Variants in GALNT14 observed in about 807,000 individuals in gnomAD.
GALNT14 encodes the protein polypeptide N-acetylgalactosaminyltransferase 14.
A neutral mutation model predicts 77.5 loss-of-function variants in GALNT14; 60 were observed. The ratio of observed to expected loss-of-function variants is 0.77; its 90% CI spans 0.63 to 0.96. The LOEUF is 0.96. Among genes scored for constraint, GALNT14 ranks in the 40% least tolerant of loss-of-function variants. The pLI is 0.00. For missense variants in GALNT14, 710 were observed against 731.0 expected, an observed-to-expected ratio of 0.97 and a Z score of 0.33; for synonymous variants, 280 against 281.7, an observed-to-expected ratio of 0.99 and a Z score of 0.06.
At chr2:31,021,027 T>G (rs766005582) in intron 1 of GALNT14, among the ~76,000 whole-genome samples, 1 of 152,166 alleles carries the variant, frequency 6.6e-6, no homozygotes, top group Non-Finnish European at 1.5e-5. Flanking sequence ...CAGAAAAGTA[T>G]GGGATCTTAA....
chr2:30,907,327 A>G (rs1234158866), downstream of GALNT14, among the ~76,000 whole-genome samples: 1 of 152,192 alleles, frequency 6.6e-6, no homozygotes, highest in East Asian at 1.9e-4. Flanking sequence ...ACTAATAAAG[A>G]AAAAAAGAGA....
chr2:30,953,169 A>G (rs1667140801), intron 6 of GALNT14, among the ~76,000 whole-genome samples: 2 of 152,164 alleles, frequency 1.3e-5, no homozygotes, highest in South Asian at 4.1e-4. Context: ...GCCCTAGGGT[A>G]GTGTCAACAA....
chr2:31,007,109 G>A (rs1279462057), intron 1 of GALNT14, among the ~76,000 whole-genome samples: 1 of 152,134 alleles, frequency 6.6e-6, no homozygotes, highest in Non-Finnish European at 1.5e-5. Flanking sequence ...TTAATAGAAA[G>A]GACTCTTTTT....
intron 6 of GALNT14, among the ~76,000 whole-genome samples, chr2:30,951,323 G>C (rs1667015016): frequency 6.6e-6 from 1 of 152,132 alleles, no homozygotes; most frequent in Non-Finnish European, 1.5e-5. Context: ...TAAGTGAAAG[G>C]AACCAGTATC....
chr2:30,998,172 C>T (rs186850284), intron 1 of GALNT14, among the ~76,000 whole-genome samples: 57 of 152,310 alleles, frequency 3.7e-4, no homozygotes, highest in Non-Finnish European at 5.0e-4. Flanking sequence ...CTGGCCAAGA[C>T]CATTGCTTAA....
At chr2:31,115,694 T>C (rs982388414) in intron 1 of GALNT14, among the ~76,000 whole-genome samples, 2 of 152,160 alleles carry the variant, frequency 1.3e-5, no homozygotes, top group African/African-American at 4.8e-5. Context: ...AATAAAAGTC[T>C]TCTAAAGGCC....
At position 30,966,515 on chromosome 2, in the gene GALNT14, C is replaced by G. The variant is rs577585098; in HGVS notation, c.300-213G>C. Among the ~76,000 whole-genome samples the G allele has an allele frequency of 2.7e-4, 41 of 152,312 alleles. No homozygotes were observed. In the East Asian group the frequency reaches 5.0e-3, roughly 19 times the overall value. ...CCAAGAATGACTAAATCTGAATTTT[C>G]TACCACCTTGGGGGAACCTAGGCTT... On this transcript the variant is annotated intron_variant, in intron 2 of 14. Coordinates refer to ENST00000349752, the MANE Select transcript of GALNT14 (RefSeq NM_024572.4).
At chr2:31,042,548 G>T (rs1279009096) in intron 1 of GALNT14, among the ~76,000 whole-genome samples, 3 of 152,116 alleles carry the variant, frequency 2.0e-5, no homozygotes, top group Non-Finnish European at 4.4e-5. Context: ...AACTACACCT[G>T]GATGGGTGGT....
In GALNT14 at chr2:30,932,076, C is replaced by G; in HGVS notation, c.1050G>C (p.Thr350=). Residue 350 remains threonine, a synonymous_variant, in exon 10 of 15, where the codon ACG becomes ACC. Transcript: ENST00000349752. The part of the protein sequence containing the change: ...PYVFPDGNAN[T]YIKNTKRTAE... ...AGCCCCTGGGCACTTACTTTATATA[C>G]GTGTTGGCATTTCCATCAGGGAAAA... 6.4e-7 allele frequency: 1 copy of G among 1,562,216 alleles called. No homozygotes were observed. The highest frequency in any genetic ancestry group is 8.7e-7 in the Non-Finnish European group (1 of 1,154,214).
At chr2:31,111,903 A>G (rs1461061311) in intron 1 of GALNT14, among the ~76,000 whole-genome samples, 1 of 151,906 alleles carries the variant, frequency 6.6e-6, no homozygotes, top group Non-Finnish European at 1.5e-5. Context: ...ATAGGCCATC[A>G]GAAGTACGGT....
At chr2:31,093,012 T>TACTG (rs774079107) in intron 1 of GALNT14, among the ~76,000 whole-genome samples, 6 of 152,306 alleles carry the variant, frequency 3.9e-5, no homozygotes, top group Non-Finnish European at 7.4e-5. Context: ...TAACACAGTT[T>TACTG]ACTGAACCAG....
intron 1 of GALNT14, among the ~76,000 whole-genome samples, chr2:31,026,416 T>C (rs949773822): frequency 6.6e-6 from 1 of 152,204 alleles, no homozygotes; most frequent in African/African-American, 2.4e-5. Context: ...TTGCTTTTAA[T>C]TGGATGCAGA....
intron 6 of GALNT14, among the ~76,000 whole-genome samples, chr2:30,955,228 C>G (rs1667285644): frequency 6.6e-6 from 1 of 152,090 alleles, no homozygotes; most frequent in African/African-American, 2.4e-5. Context: ...GGGGATGAAG[C>G]CTGGTTAAGT....
chr2:31,013,074 T>C (rs2148445118), intron 1 of GALNT14, among the ~76,000 whole-genome samples: 1 of 152,270 alleles, frequency 6.6e-6, no homozygotes, highest in South Asian at 2.1e-4. Flanking sequence ...AGGGTTCCAG[T>C]CCTGGCTCTG....
At chr2:30,958,133 G>A (rs771551580) in intron 4 of GALNT14, among the ~76,000 whole-genome samples, 21 of 152,118 alleles carry the variant, frequency 1.4e-4, no homozygotes, top group Non-Finnish European at 2.5e-4. Flanking sequence ...CCAAAGACAG[G>A]GCCCACCTAG....
At chr2:31,077,913 T>C (rs573569490) in intron 1 of GALNT14, among the ~76,000 whole-genome samples, 1 of 152,358 alleles carries the variant, frequency 6.6e-6, no homozygotes, top group Admixed American at 6.5e-5. Context: ...TATCATGTTG[T>C]GTCCACAGAG....
chr2:30,903,754 C>G, the GALNT14 span, among the ~76,000 whole-genome samples: 1 of 152,206 alleles, frequency 6.6e-6, no homozygotes, highest in African/African-American at 2.4e-5. Context: ...ATGTGTGTTG[C>G]TTTAGGCTGC....
At chr2:31,069,798 C>T (rs1273939924) in intron 1 of GALNT14, among the ~76,000 whole-genome samples, 1 of 152,168 alleles carries the variant, frequency 6.6e-6, no homozygotes, top group East Asian at 1.9e-4. Context: ...AAATGACTGT[C>T]CACTGTTGTG....
intron 1 of GALNT14, among the ~76,000 whole-genome samples, chr2:31,023,217 A>C (rs545314032): frequency 1.3e-5 from 2 of 152,282 alleles, no homozygotes; most frequent in African/African-American, 2.4e-5. Flanking sequence ...CAAAATTGAG[A>C]ATGGTGAATA....
Sources: allele counts gnomAD v4.1 joint callset (sites outside exome capture counted in the v4.1 genomes callset), GRCh38; gene constraint gnomAD v4.1.1; transcripts MANE v1.5; gene names NCBI Gene and HGNC (gene_info 2026-07-23, HGNC 2026-07-21).